TRMT9B: variants seen among roughly 807,000 people sequenced by gnomAD.
The protein encoded by TRMT9B is tRNA methyltransferase 9B (putative).
TRMT9B carries 16 observed loss-of-function variants against 11.5 expected under a neutral mutation model. The ratio of observed to expected loss-of-function variants is 1.39; its 90% CI spans 0.94 to 2.11. TRMT9B has a LOEUF of 2.11. Among genes scored for constraint, TRMT9B ranks in the 30% most tolerant of loss-of-function variants. The probability of loss-of-function intolerance (pLI) is 0.00; values close to 1 mark genes in which losing one functional copy is unlikely to be tolerated. For missense variants in TRMT9B, 941 were observed against 553.8 expected (o/e 1.70, Z -7.02); for synonymous variants, 274 against 192.4 (o/e 1.42, Z -3.51).
At chr8:12,963,730 CAGA>C (rs1468593100) in intron 1 of TRMT9B, among the ~76,000 whole-genome samples, 2 of 152,222 alleles carry the variant, frequency 1.3e-5, no homozygotes, top group East Asian at 1.9e-4. Context: ...GCCTGCGCAG[CAGA>C]AGAAGACCCT....
At chr8:12,973,065 C>A (rs1248224278) in intron 1 of TRMT9B, among the ~76,000 whole-genome samples, 2 of 152,180 alleles carry the variant, frequency 1.3e-5, no homozygotes, top group Non-Finnish European at 2.9e-5. Flanking sequence ...AGGAACCTCA[C>A]ATGAGTGGAG....
At chr8:12,979,242 C>G (rs1804966349) in intron 1 of TRMT9B, among the ~76,000 whole-genome samples, 1 of 152,214 alleles carries the variant, frequency 6.6e-6, no homozygotes, top group Non-Finnish European at 1.5e-5. Flanking sequence ...TTGACCCCTG[C>G]AGGCAATGCC....
intron 1 of TRMT9B, among the ~76,000 whole-genome samples, chr8:12,988,397 G>A (rs1806710316): frequency 6.6e-6 from 1 of 152,210 alleles, no homozygotes; most frequent in Non-Finnish European, 1.5e-5. Flanking sequence ...TATAATGATT[G>A]TATGAATATA....
intron 1 of TRMT9B, among the ~76,000 whole-genome samples, chr8:12,987,883 G>C (rs752507813): frequency 2.0e-5 from 3 of 152,166 alleles, no homozygotes; most frequent in Non-Finnish European, 4.4e-5. Context: ...GTGGCTCTCT[G>C]TGGCTTCCCA....
At chr8:12,992,489 A>G (rs1807537248) in intron 2 of TRMT9B, among the ~76,000 whole-genome samples, 1 of 152,116 alleles carries the variant, frequency 6.6e-6, no homozygotes, top group East Asian at 1.9e-4. Flanking sequence ...AGACTTGGGC[A>G]TATTGTCTCT....
intron 1 of TRMT9B, among the ~76,000 whole-genome samples, chr8:12,985,013 G>C (rs141867842): frequency 3.7e-4 from 56 of 150,582 alleles, no homozygotes; most frequent in Non-Finnish European, 7.2e-4. Context: ...TCCCCACCCA[G>C]ATGTTATCAT....
chr8:12,978,411 G>C (rs974692412), intron 1 of TRMT9B, among the ~76,000 whole-genome samples: 4 of 152,064 alleles, frequency 2.6e-5, no homozygotes, highest in Non-Finnish European at 4.4e-5. Context: ...TAATAAATCT[G>C]CTTTTCTTTA....
chr8:12,946,922 T>TA (rs1563291180), intron 1 of TRMT9B, among the ~76,000 whole-genome samples: 1 of 152,190 alleles, frequency 6.6e-6, no homozygotes, highest in Non-Finnish European at 1.5e-5. Context: ...GTGTGGAAGA[T>TA]ATCAGTTCCT....
chr8:13,019,290 A>G (rs961255510), intron 4 of TRMT9B, among the ~76,000 whole-genome samples: 2 of 152,106 alleles, frequency 1.3e-5, no homozygotes, highest in Non-Finnish European at 2.9e-5. Flanking sequence ...ATGAGTGTGT[A>G]TATATAGATA....
Position 13,021,019 on chromosome 8 carries a change from T to A in TRMT9B, c.340T>A (p.Phe114Ile). ...TTTGTCTTTTTCAGTCATACATCAT[T>A]TTTCTACAAAACAAAGAAGAATCAG... Reference protein sequence around the residue: ...AIISIGVIHHFSTKQRRIRAI... With the variant: ...AIISIGVIHHISTKQRRIRAI... Residue 114 changes from phenylalanine (F) to isoleucine (I), a missense_variant, in exon 5 of 5, where the codon TTT becomes ATT. Phe to Ile is a conservative substitution (Grantham distance 21). Coordinates refer to ENST00000524591, the MANE Select transcript of TRMT9B (RefSeq NM_020844.3). 6.5e-7 allele frequency: 1 copy of A among 1,546,248 alleles called. No homozygotes were observed.
chr8:12,962,571 A>T (rs1030812186), intron 1 of TRMT9B, among the ~76,000 whole-genome samples: 1 of 151,918 alleles, frequency 6.6e-6, no homozygotes, highest in African/African-American at 2.4e-5. Context: ...GCTCACTGCA[A>T]CCTCTGCCTC....
chr8:13,006,728 G>T, intron 3 of TRMT9B: 1 of 1,061,440 alleles, frequency 9.4e-7, no homozygotes. Flanking sequence ...GAGTGCAGTG[G>T]TGCAATCTCA....
intron 1 of TRMT9B, among the ~76,000 whole-genome samples, chr8:12,963,073 G>A (rs1241394701): frequency 2.0e-5 from 3 of 152,126 alleles, no homozygotes; most frequent in African/African-American, 4.8e-5. Context: ...ACTAAAAAAT[G>A]GAGGAAAAAT....
At chr8:12,994,514 G>A (rs1163486068) in intron 2 of TRMT9B, among the ~76,000 whole-genome samples, 1 of 152,098 alleles carries the variant, frequency 6.6e-6, no homozygotes, top group East Asian at 1.9e-4. Context: ...CAAGTGCCCG[G>A]AGGTGACTTA....
chr8:13,001,484 T>G (rs1161630307), intron 2 of TRMT9B, among the ~76,000 whole-genome samples: 2 of 152,228 alleles, frequency 1.3e-5, no homozygotes, highest in Non-Finnish European at 2.9e-5. Context: ...AGTTATGATT[T>G]GTAGATAACA....
At chr8:12,967,284 G>A (rs969495095) in intron 1 of TRMT9B, among the ~76,000 whole-genome samples, 2 of 152,294 alleles carry the variant, frequency 1.3e-5, no homozygotes, top group African/African-American at 4.8e-5. Flanking sequence ...GTCATGAAAG[G>A]TTTTAGGAAC....
chr8:12,976,732 A>G lies in TRMT9B; in HGVS notation c.-199-14102A>G, dbSNP rs375659207. Among the ~76,000 whole-genome samples, 10 of 152,314 alleles carry G rather than the reference A, an allele frequency of 6.6e-5. No homozygotes were observed. In the East Asian group the frequency reaches 1.2e-3, roughly 18 times the overall value. On this transcript the variant is annotated intron_variant, in intron 1 of 4. Transcript: ENST00000524591. ...TTAAGAAAACTAACCAGGGATGGCA[A>G]AGCATCCTGGGGTTAGCACTGACAG...
intron 1 of TRMT9B, among the ~76,000 whole-genome samples, chr8:12,985,287 T>A (rs904075969): frequency 1.3e-5 from 2 of 152,192 alleles, no homozygotes; most frequent in African/African-American, 2.4e-5. Flanking sequence ...AAGCTCTGAA[T>A]TTGTTCTGCT....
intron 1 of TRMT9B, among the ~76,000 whole-genome samples, chr8:12,957,012 G>C (rs55861819): frequency 2.6e-5 from 4 of 152,146 alleles, no homozygotes; most frequent in Non-Finnish European, 1.5e-5. Context: ...TGGAAAATGA[G>C]AGAAAATATT....
Sources: gnomAD v4.1 joint callset for allele counts (sites outside exome capture counted in the v4.1 genomes callset) on GRCh38, gnomAD v4.1.1 for gene constraint, MANE v1.5 for transcripts, NCBI Gene and HGNC (gene_info 2026-07-23, HGNC 2026-07-21) for gene names.